VPS13A: variants seen among roughly 807,000 people sequenced by gnomAD.
The protein encoded by VPS13A is vacuolar protein sorting 13 homolog A.
VPS13A carries 264 observed loss-of-function variants against 390.9 expected under a neutral mutation model. That is an observed-to-expected ratio of 0.68 (90% CI 0.61 to 0.75). The LOEUF (loss-of-function observed/expected upper bound fraction) is 0.75. Among genes scored for constraint, VPS13A ranks in the 30% least tolerant of loss-of-function variants. VPS13A has a pLI of 0.00. For missense variants in VPS13A, 3,409 were observed against 3,733.9 expected, an observed-to-expected ratio of 0.91 and a Z score of 2.27; for synonymous variants, 1,231 against 1,227.1, an observed-to-expected ratio of 1.00 and a Z score of -0.07.
At chr9:77,287,966 T>G (rs1201184099) in intron 31 of VPS13A, among the ~76,000 whole-genome samples, 2 of 152,240 alleles carry the variant, frequency 1.3e-5, no homozygotes, top group Non-Finnish European at 2.9e-5. Context: ...TATACTGTTG[T>G]GTAACTTACC....
chr9:77,213,855 G>A (rs558344436), intron 9 of VPS13A, among the ~76,000 whole-genome samples: 4 of 151,892 alleles, frequency 2.6e-5, no homozygotes, highest in African/African-American at 7.2e-5. Flanking sequence ...AGATTAGTTT[G>A]GTGAGATGTT....
At chr9:77,251,110 A>G (rs1825126928) in intron 21 of VPS13A, among the ~76,000 whole-genome samples, 2 of 152,242 alleles carry the variant, frequency 1.3e-5, no homozygotes, top group Admixed American at 6.5e-5. Flanking sequence ...TATTTCTTCA[A>G]TTATATTTGC....
chr9:77,259,242 C>G (rs17063446), intron 22 of VPS13A, among the ~76,000 whole-genome samples: 2,156 of 152,156 alleles, frequency 0.014, 48 homozygotes, highest in African/African-American at 0.05. Context: ...TTGGTAGATA[C>G]TGTTTTGGTA....
intron 68 of VPS13A, chr9:77,382,679 G>A (rs1833503997): frequency 1.0e-6 from 1 of 992,250 alleles, no homozygotes; most frequent in Admixed American, 6.0e-5. Flanking sequence ...ATTACTCTTG[G>A]ATTCTTGTGC....
In VPS13A at chr9:77,254,746, T is replaced by G. The variant is rs116055839; in HGVS notation, c.2288+2394T>G. Among the ~76,000 whole-genome samples the G allele has an allele frequency of 8.5e-3, 1,294 of 152,300 alleles. 21 individuals carry two copies. The highest frequency in any genetic ancestry group is 0.03 in the African/African-American group (1,244 of 41,572). ...GTACTAAAGTCTCTTGCCTCATTTC[T>G]TAAGTTTATTCTTTGTGATGCTATT... On this transcript the variant is annotated intron_variant, in intron 22 of 71. Coordinates refer to ENST00000360280, the MANE Select transcript of VPS13A (RefSeq NM_033305.3).
intron 10 of VPS13A, among the ~76,000 whole-genome samples, chr9:77,215,850 A>G (rs947267264): frequency 1.6e-4 from 25 of 152,228 alleles, no homozygotes; most frequent in African/African-American, 5.8e-4. Context: ...AATTACTTTT[A>G]GGGAGCCTCA....
At chr9:77,410,920 G>C (rs1834888535) in intron 71 of VPS13A, among the ~76,000 whole-genome samples, 1 of 152,152 alleles carries the variant, frequency 6.6e-6, no homozygotes, top group African/African-American at 2.4e-5. Context: ...ATTGAACTCA[G>C]CTCTGCACCA....
chr9:77,397,006 T>C (rs1271425861), intron 68 of VPS13A, among the ~76,000 whole-genome samples: 3 of 152,252 alleles, frequency 2.0e-5, no homozygotes, highest in Admixed American at 6.5e-5. Flanking sequence ...TTTTTGTTTT[T>C]GAGACGGAGT....
chr9:77,417,748 G>T lies in VPS13A; in HGVS notation c.*1742G>T, dbSNP rs1270377404. 1 of 152,178 alleles carries T rather than the reference G, an allele frequency of 6.6e-6. No homozygotes were observed. The highest frequency in any genetic ancestry group is 1.5e-5 in the Non-Finnish European group (1 of 68,038). 9.4% of individuals were successfully genotyped at this position (152,178 alleles called of 1,614,324 possible). On this transcript the variant is annotated 3_prime_UTR_variant, in exon 72 of 72. Transcript: ENST00000360280. ...CCTGCCTCCCTGGGTGTAGTGTCGT[G>T]AAGTAGAAAAGCCTTACATAAATAG...
chr9:77,207,247 A>ATG (rs1564630472), intron 5 of VPS13A, among the ~76,000 whole-genome samples: 147 of 115,754 alleles, frequency 1.3e-3, no homozygotes, highest in Middle Eastern at 4.5e-3. Flanking sequence ...ATATATATAT[A>ATG]TATATAAAAC....
intron 34 of VPS13A, among the ~76,000 whole-genome samples, chr9:77,306,276 T>C (rs1189938577): frequency 1.3e-5 from 2 of 152,164 alleles, no homozygotes. Flanking sequence ...TCAAATTATC[T>C]CCTTGGGGTC....
At chr9:77,292,549 T>C (rs746459622) in intron 31 of VPS13A, among the ~76,000 whole-genome samples, 9 of 152,170 alleles carry the variant, frequency 5.9e-5, no homozygotes, top group Non-Finnish European at 1.3e-4. Context: ...TGTAGACTTC[T>C]TTTCAGCCCT....
At chr9:77,305,453 A>G (rs1828682710) in intron 34 of VPS13A, 1 of 151,312 alleles carries the variant, frequency 6.6e-6, no homozygotes, top group African/African-American at 2.4e-5. Context: ...CATAAATATT[A>G]TGTTCCACCC....
Position 77,321,579 on chromosome 9 carries a change from T to G in VPS13A, c.5663T>G (p.Ile1888Ser), listed in dbSNP as rs78251065. The G allele has an allele frequency of 1.7e-5, 27 of 1,613,472 alleles. No individual in the cohort carries two copies. In the East Asian group the frequency reaches 6.0e-4, roughly 36 times the overall value. The change falls in exon 44 of 72, where the codon ATT (isoleucine) becomes AGT (serine). Residue 1888 changes from isoleucine to serine, a missense_variant. Transcript: ENST00000360280. ...FMILNSLGLTISVSPSDSFSV... is the reference protein window; with the variant it reads ...FMILNSLGLTSSVSPSDSFSV... The stretch of plus-strand genomic sequence containing the variant: ...ATTTTAAATTCCCTTGGACTTACTA[T>G]TTCTGTTTCGCCAAGTGATTCTTTT...
intron 1 of VPS13A, among the ~76,000 whole-genome samples, chr9:77,183,871 AT>A (rs1824170160): frequency 6.6e-6 from 1 of 152,238 alleles, no homozygotes; most frequent in Admixed American, 6.5e-5. Flanking sequence ...AAACTGGCAT[AT>A]CCATATAATG....
chr9:77,276,307 A>G, intron 26 of VPS13A, 86 bp downstream of exon 26: 2 of 1,239,858 alleles, frequency 1.6e-6, no homozygotes, highest in Non-Finnish European at 2.2e-6. Context: ...TAGGCTCTGA[A>G]TCAGTACATT....
intron 23 of VPS13A, among the ~76,000 whole-genome samples, chr9:77,272,247 A>G (rs1301862939): frequency 6.6e-6 from 1 of 152,200 alleles, no homozygotes; most frequent in Non-Finnish European, 1.5e-5. Context: ...TTGTGAGGAT[A>G]TGGAGAGATA....
chr9:77,192,623 T>C (rs1824749857), intron 1 of VPS13A, among the ~76,000 whole-genome samples: 1 of 152,252 alleles, frequency 6.6e-6, no homozygotes, highest in South Asian at 2.1e-4. Context: ...AGATATGAAA[T>C]TCTTGGTTGG....
Position 77,273,424 on chromosome 9 carries a change from G to A in VPS13A, c.2512+60G>A, listed in dbSNP as rs1826466003. 10 of 1,411,470 alleles carry A rather than the reference G, an allele frequency of 7.1e-6. No individual in the cohort carries two copies. The East Asian group carries it at 2.5e-4, about 35-fold the overall frequency. 87.4% of individuals were successfully genotyped at this position (1,411,470 alleles called of 1,614,324 possible). On this transcript the variant is annotated intron_variant, in intron 24 of 71. Coordinates refer to ENST00000360280, the MANE Select transcript of VPS13A (RefSeq NM_033305.3). ...TTTATTAAAATAATTTCTGTTTTGA[G>A]GCATATTTTTCTCAAAGGACCACAC...
Sources: gnomAD v4.1 joint callset for allele counts (sites outside exome capture counted in the v4.1 genomes callset) on GRCh38, gnomAD v4.1.1 for gene constraint, MANE v1.5 for transcripts, NCBI Gene and HGNC (gene_info 2026-07-23, HGNC 2026-07-21) for gene names.